The following SORCS3 variants were observed in gnomAD, a reference collection of about 807,000 sequenced individuals.
The protein encoded by SORCS3 is sortilin related VPS10 domain containing receptor 3.
A neutral mutation model predicts 146.3 loss-of-function variants in SORCS3; 57 were observed. The ratio of observed to expected loss-of-function variants is 0.39; its 90% CI spans 0.31 to 0.49. SORCS3 has a LOEUF of 0.49. Among genes scored for constraint, SORCS3 ranks in the 20% least tolerant of loss-of-function variants. SORCS3 has a pLI of 0.92. For synonymous variants in SORCS3, 653 were observed against 618.5 expected (o/e 1.06, Z -0.83); for missense variants, 1,341 against 1,575.5 (o/e 0.85, Z 2.52).
At position 104,954,317 on chromosome 10, in the gene SORCS3, A is replaced by G. The variant is rs1310528810; in HGVS notation, c.796-23018A>G. Among the ~76,000 whole-genome samples the G allele has an allele frequency of 1.3e-5, 2 of 152,184 alleles. 1 individual carries two copies. Among genetic ancestry groups the G allele is most frequent in the South Asian group, 4.1e-4 (2 of 4,832 alleles). ...CTCTCTGTTCCATTTTTCATTATCC[A>G]ATAATAAATATCATAGTGAAAGCCA... On this transcript the variant is annotated intron_variant, in intron 3 of 26. Coordinates refer to ENST00000369701, the MANE Select transcript of SORCS3 (RefSeq NM_014978.3).
At chr10:104,691,335 G>A (rs1442094733) in intron 1 of SORCS3, among the ~76,000 whole-genome samples, 4 of 152,228 alleles carry the variant, frequency 2.6e-5, no homozygotes, top group African/African-American at 9.7e-5. Context: ...GGAAGAAGTT[G>A]TTTGTGTGGG....
intron 7 of SORCS3, among the ~76,000 whole-genome samples, chr10:105,115,146 C>T (rs913868920): frequency 6.6e-6 from 1 of 152,090 alleles, no homozygotes. Flanking sequence ...CTTTAAAGAC[C>T]TGGGTTGTAA....
chr10:104,941,756 T>C (rs1447142747), intron 3 of SORCS3, among the ~76,000 whole-genome samples: 6 of 152,176 alleles, frequency 3.9e-5, no homozygotes, highest in African/African-American at 1.4e-4. Flanking sequence ...CAAAAATGAC[T>C]GTGGCATTGG....
At chr10:104,890,020 T>A (rs1026595500) in intron 2 of SORCS3, among the ~76,000 whole-genome samples, 2 of 152,192 alleles carry the variant, frequency 1.3e-5, no homozygotes, top group African/African-American at 4.8e-5. Flanking sequence ...TCATTTACAT[T>A]GTTTCTATAA....
chr10:105,126,974 T>G (rs1214692140), intron 7 of SORCS3, among the ~76,000 whole-genome samples: 3 of 152,136 alleles, frequency 2.0e-5, no homozygotes, highest in Non-Finnish European at 1.5e-5. Context: ...GTGAACTCCA[T>G]GAGGTGACAG....
At chr10:104,976,229 C>T (rs1395453957) in intron 3 of SORCS3, among the ~76,000 whole-genome samples, 4 of 152,160 alleles carry the variant, frequency 2.6e-5, no homozygotes, top group Admixed American at 2.6e-4. Flanking sequence ...AAGCAAACAA[C>T]CCCATCAAAA....
At chr10:105,083,553 T>C (rs2055639471) in intron 5 of SORCS3, among the ~76,000 whole-genome samples, 1 of 152,136 alleles carries the variant, frequency 6.6e-6, no homozygotes, top group South Asian at 2.1e-4. Context: ...CTCTTACACA[T>C]GCCTCACCTC....
In SORCS3 at chr10:104,830,243, T is replaced by C. The variant is rs1464126826; in HGVS notation, c.628-12549T>C. Among the ~76,000 whole-genome samples, 6 of 152,328 alleles carry C rather than the reference T, an allele frequency of 3.9e-5. No homozygotes were observed. In the East Asian group the frequency reaches 9.6e-4, roughly 24 times the overall value. On this transcript the variant is annotated intron_variant, in intron 1 of 26. Coordinates refer to ENST00000369701, the MANE Select transcript of SORCS3 (RefSeq NM_014978.3). ...CAAAGGACATGATCTCATTCTTTTT[T>C]ACGGCTGCATAGTATTTCTAAAAGA...
intron 3 of SORCS3, among the ~76,000 whole-genome samples, chr10:104,938,210 G>C (rs1013596663): frequency 6.6e-6 from 1 of 152,086 alleles, no homozygotes; most frequent in African/African-American, 2.4e-5. Context: ...GTAGTTAGCT[G>C]GTAAATTTAT....
chr10:104,748,333 T>C (rs1589483610), intron 1 of SORCS3, among the ~76,000 whole-genome samples: 2 of 152,226 alleles, frequency 1.3e-5, no homozygotes, highest in East Asian at 3.8e-4. Context: ...GTTGTAGCAA[T>C]GGACAGAACC....
chr10:104,744,767 C>T (rs548909907), intron 1 of SORCS3, among the ~76,000 whole-genome samples: 6 of 152,180 alleles, frequency 3.9e-5, no homozygotes, highest in Admixed American at 1.3e-4. Flanking sequence ...TGAATCTTCT[C>T]CCTTCAGTTT....
chr10:104,980,737 G>T (rs2054927389), intron 4 of SORCS3, among the ~76,000 whole-genome samples: 1 of 152,102 alleles, frequency 6.6e-6, no homozygotes, highest in African/African-American at 2.4e-5. Context: ...TATTACAAAA[G>T]ACCTAATTGA....
intron 1 of SORCS3, among the ~76,000 whole-genome samples, chr10:104,804,868 G>A (rs189284775): frequency 1.1e-3 from 165 of 152,296 alleles, no homozygotes; most frequent in Non-Finnish European, 1.7e-3. Context: ...TGAGCCTCCT[G>A]TGTGCCTTAG....
chr10:104,946,288 G>A (rs1184663434), intron 3 of SORCS3, among the ~76,000 whole-genome samples: 1 of 151,810 alleles, frequency 6.6e-6, no homozygotes, highest in Non-Finnish European at 1.5e-5. Flanking sequence ...TTTCTGCTTT[G>A]GTGCTTAGTC....
At chr10:104,686,398 G>A (rs2016043797) in intron 1 of SORCS3, among the ~76,000 whole-genome samples, 1 of 152,122 alleles carries the variant, frequency 6.6e-6, no homozygotes, top group Non-Finnish European at 1.5e-5. Flanking sequence ...TGCAGGCTTA[G>A]ACTGGAGTGA....
At position 105,217,027 on chromosome 10, in the gene SORCS3, A is replaced by C; in HGVS notation, c.2639A>C (p.Lys880Thr). 6.2e-7 allele frequency: 1 copy of C among 1,614,186 alleles called. No individual in the cohort carries two copies. The highest frequency in any genetic ancestry group is 8.5e-7 in the Non-Finnish European group (1 of 1,180,030). ...ANFSPIEDGI[K>T]HVYKSAGIFQ... ...TTCAGCCCCATCGAGGACGGCATCA[A>C]GCACGTGTATAAGAGTGCGGGGATC... Residue 880 changes from lysine to threonine, a missense_variant, in exon 19 of 27, where the codon AAG becomes ACG. By Grantham distance (78) the Lys-to-Thr change is moderately conservative (BLOSUM62 -1). Coordinates refer to ENST00000369701, the MANE Select transcript of SORCS3 (RefSeq NM_014978.3).
chr10:104,771,264 G>A (rs2017246446), intron 1 of SORCS3, among the ~76,000 whole-genome samples: 1 of 152,206 alleles, frequency 6.6e-6, no homozygotes, highest in South Asian at 2.1e-4. Flanking sequence ...ATGAAATTGA[G>A]AAGTGTTGTG....
intron 1 of SORCS3, among the ~76,000 whole-genome samples, chr10:104,814,645 C>G (rs536275428): frequency 6.6e-6 from 1 of 152,276 alleles, no homozygotes; most frequent in Non-Finnish European, 1.5e-5. Context: ...CAGACACTCT[C>G]ATTATATTGT....
intron 2 of SORCS3, among the ~76,000 whole-genome samples, chr10:104,851,523 G>A (rs1001700228): frequency 4.6e-5 from 7 of 152,162 alleles, no homozygotes; most frequent in Non-Finnish European, 1.0e-4. Context: ...AAGTGAATAG[G>A]ATCAGACAGT....
Sources: allele counts gnomAD v4.1 joint callset (sites outside exome capture counted in the v4.1 genomes callset), GRCh38; gene constraint gnomAD v4.1.1; transcripts MANE v1.5; gene names NCBI Gene and HGNC (gene_info 2026-07-23, HGNC 2026-07-21).